Variants in IL1RAPL1 observed in about 807,000 individuals in gnomAD.
IL1RAPL1 encodes interleukin-1 receptor accessory protein-like 1.
In IL1RAPL1, 3 loss-of-function variants were observed where a neutral mutation model predicts 48.4. The ratio of observed to expected loss-of-function variants is 0.06; its 90% CI spans 0.03 to 0.16. The LOEUF (loss-of-function observed/expected upper bound fraction) is 0.16. Among genes scored for constraint, IL1RAPL1 ranks in the 10% least tolerant of loss-of-function variants. The pLI, the probability that IL1RAPL1 is intolerant of heterozygous loss-of-function variation, is 1.00. For synonymous variants in IL1RAPL1, 185 were observed against 187.7 expected (o/e 0.99, Z 0.12); for missense variants, 349 against 530.6 (o/e 0.66, Z 3.36).
intron 2 of IL1RAPL1, among the ~76,000 whole-genome samples, chrX:29,225,861 G>A (rs1439918894): frequency 2.7e-5 from 3 of 111,764 alleles, no homozygotes; most frequent in Middle Eastern, 4.7e-3. Context: ...TCTGAAAGGG[G>A]CAGAGAAGGA....
chrX:28,976,704 A>G (rs779172257), intron 2 of IL1RAPL1, among the ~76,000 whole-genome samples: 1 of 111,238 alleles, frequency 9.0e-6, no homozygotes, highest in South Asian at 3.8e-4. Context: ...GAAGAGATCC[A>G]AAGACTGAAT....
chrX:29,782,888 A>ATT (rs780831874), intron 6 of IL1RAPL1, among the ~76,000 whole-genome samples: 1,631 of 31,095 alleles, frequency 0.052, 396 homozygotes, highest in Admixed American at 0.079. Context: ...TGATCGTGAC[A>ATT]TTTTTTTTTT....
intron 6 of IL1RAPL1, among the ~76,000 whole-genome samples, chrX:29,906,053 T>C (rs1405665864): frequency 9.0e-6 from 1 of 110,769 alleles, no homozygotes; most frequent in South Asian, 3.9e-4. Context: ...TCCTACATTT[T>C]ACAGAGTCAA....
chrX:29,902,172 TTATC>T (rs1209270806), intron 6 of IL1RAPL1, among the ~76,000 whole-genome samples: 2 of 110,665 alleles, frequency 1.8e-5, no homozygotes, highest in East Asian at 5.7e-4. Context: ...CCCGCATCAT[TTATC>T]TAAGACCCAT....
chrX:29,926,146 C>T (rs1932889076), intron 8 of IL1RAPL1, among the ~76,000 whole-genome samples: 1 of 111,414 alleles, frequency 9.0e-6, no homozygotes, highest in Admixed American at 9.5e-5. Context: ...CTAGTTTTTG[C>T]TAATCAGTTT....
chrX:29,332,640 ATTTATTTATTTTAT>A (rs1251770985), intron 3 of IL1RAPL1, among the ~76,000 whole-genome samples: 10 of 96,003 alleles, frequency 1.0e-4, no homozygotes, highest in African/African-American at 4.6e-4. Flanking sequence ...TTATTTATTT[ATTTATTTATTTTAT>A]TTTTTTTTTT....
chrX:29,361,450 A>G (rs1169511570), intron 3 of IL1RAPL1, among the ~76,000 whole-genome samples: 1 of 110,938 alleles, frequency 9.0e-6, no homozygotes, highest in Non-Finnish European at 1.9e-5. Context: ...TATAAGCTAA[A>G]CTAATTGTAT....
At chrX:29,376,614 C>G (rs1223986292) in intron 3 of IL1RAPL1, among the ~76,000 whole-genome samples, 7 of 111,118 alleles carry the variant, frequency 6.3e-5, no homozygotes, top group Non-Finnish European at 5.7e-5. Flanking sequence ...CTCAAACAAT[C>G]CACCCACTTT....
chrX:28,847,669 G>C (rs1921546495), intron 2 of IL1RAPL1, among the ~76,000 whole-genome samples: 1 of 110,751 alleles, frequency 9.0e-6, no homozygotes, highest in Non-Finnish European at 1.9e-5. Flanking sequence ...CCTTTTGCCT[G>C]GGATGCTTTC....
At chrX:29,399,687 T>C (rs963318753) in intron 5 of IL1RAPL1, among the ~76,000 whole-genome samples, 5 of 109,964 alleles carry the variant, frequency 4.5e-5, no homozygotes, top group Admixed American at 9.7e-5. Flanking sequence ...GGCGTGGTGG[T>C]GGGCGCCTGT....
rs186006277 is a variant in IL1RAPL1, at chrX:29,748,631, C to T, written c.778+80127C>T. ...TGGCAGTGGAGCTAACATTTTAACTCGGGAAATATGGGTCCAAAACCTAGG... is the reference window on the plus strand; with the variant it reads ...TGGCAGTGGAGCTAACATTTTAACTTGGGAAATATGGGTCCAAAACCTAGG... On this transcript the variant is annotated intron_variant, in intron 6 of 10. Transcript: ENST00000378993. 2.7e-5 allele frequency among the ~76,000 whole-genome samples: 3 copies of T among 112,968 alleles called. No homozygotes were observed. In the Admixed American group the frequency reaches 2.8e-4, roughly 11 times the overall value.
At chrX:29,749,522 GCT>G (rs1317764576) in intron 6 of IL1RAPL1, among the ~76,000 whole-genome samples, 2 of 111,329 alleles carry the variant, frequency 1.8e-5, no homozygotes, top group East Asian at 5.6e-4. Flanking sequence ...AAATGAAAAT[GCT>G]CTTACTGAAG....
At chrX:29,007,040 A>G (rs1926001479) in intron 2 of IL1RAPL1, among the ~76,000 whole-genome samples, 2 of 111,330 alleles carry the variant, frequency 1.8e-5, no homozygotes, top group South Asian at 3.7e-4. Context: ...AAAGAATTAT[A>G]CTCTACCTGT....
At chrX:29,850,002 A>G (rs1860185666) in intron 6 of IL1RAPL1, among the ~76,000 whole-genome samples, 1 of 110,823 alleles carries the variant, frequency 9.0e-6, no homozygotes, top group African/African-American at 3.3e-5. Context: ...AAACTTTCCC[A>G]CTCTTGAGTG....
At chrX:29,405,167 C>A (rs112069097) in intron 5 of IL1RAPL1, among the ~76,000 whole-genome samples, 8,657 of 109,307 alleles carry the variant, frequency 0.079, 494 homozygotes, top group African/African-American at 0.2. Flanking sequence ...CCACCTCAGC[C>A]TCCCAAAGTG....
intron 5 of IL1RAPL1, among the ~76,000 whole-genome samples, chrX:29,606,705 A>G (rs1923904093): frequency 8.9e-6 from 1 of 111,964 alleles, no homozygotes; most frequent in African/African-American, 3.2e-5. Context: ...ATAGTTTGGA[A>G]TTGCCTGAGC....
chrX:29,025,829 C>T (rs188170064), intron 2 of IL1RAPL1, among the ~76,000 whole-genome samples: 1,139 of 111,298 alleles, frequency 0.01, 13 homozygotes, highest in Admixed American at 0.05. Flanking sequence ...GGAATAATAG[C>T]GATGTGTTGT....
intron 1 of IL1RAPL1, among the ~76,000 whole-genome samples, chrX:28,673,838 A>G (rs1028519106): frequency 8.9e-6 from 1 of 111,935 alleles, no homozygotes; most frequent in African/African-American, 3.2e-5. Flanking sequence ...TAGGATTGAC[A>G]TCACCCTAAG....
In IL1RAPL1 at chrX:29,898,106, GCT is replaced by G. The variant is rs753079816; in HGVS notation, c.779-19352_779-19351del. ...AGCTTCATCCGTGGAATCTTAAGAGGCTCTCTCCTACTTCAGATGAGAAAGTC... is the reference window on the plus strand; with the variant it reads ...AGCTTCATCCGTGGAATCTTAAGAGGCTCTCCTACTTCAGATGAGAAAGTC... On this transcript the variant is annotated intron_variant, in intron 6 of 10. Transcript: ENST00000378993. 3.6e-5 allele frequency among the ~76,000 whole-genome samples: 4 copies of G among 111,727 alleles called. No homozygotes were observed. The East Asian group carries it at 8.4e-4, about 23-fold the overall frequency.
Sources: gnomAD v4.1 joint callset for allele counts (sites outside exome capture counted in the v4.1 genomes callset) on GRCh38, gnomAD v4.1.1 for gene constraint, MANE v1.5 for transcripts, NCBI Gene and HGNC (gene_info 2026-07-23, HGNC 2026-07-21) for gene names.